ATL2: variants seen among roughly 807,000 people sequenced by gnomAD.
The protein encoded by ATL2 is atlastin GTPase 2.
Under a neutral mutation model 73.9 loss-of-function variants are expected in ATL2, and 31 were observed. The ratio of observed to expected loss-of-function variants is 0.42; its 90% CI spans 0.32 to 0.57. ATL2 has a LOEUF of 0.57. Among genes scored for constraint, ATL2 ranks in the 20% least tolerant of loss-of-function variants. ATL2 has a pLI of 0.14. For synonymous variants in ATL2, 291 were observed against 237.5 expected, an observed-to-expected ratio of 1.23 and a Z score of -2.07; for missense variants, 738 against 702.6, an observed-to-expected ratio of 1.05 and a Z score of -0.57.
At chr2:38,306,574 C>T (rs1164496115) in intron 9 of ATL2, among the ~76,000 whole-genome samples, 2 of 152,174 alleles carry the variant, frequency 1.3e-5, no homozygotes, top group Non-Finnish European at 2.9e-5. Flanking sequence ...GACAGTTCAA[C>T]ATACACCAAT....
intron 2 of ATL2, among the ~76,000 whole-genome samples, chr2:38,342,716 A>C (rs567846540): frequency 6.6e-6 from 1 of 152,334 alleles, no homozygotes; most frequent in Non-Finnish European, 1.5e-5. Flanking sequence ...AAAAAGGGAA[A>C]GAAGATAAAC....
intron 9 of ATL2, among the ~76,000 whole-genome samples, chr2:38,302,917 AACAAATATTC>A (rs1667262358): frequency 6.6e-6 from 1 of 152,220 alleles, no homozygotes; most frequent in African/African-American, 2.4e-5. Flanking sequence ...TCCAGACACC[AACAAATATTC>A]ACAAGCATCA....
chr2:38,299,579 T>A (rs1487275185), intron 10 of ATL2, among the ~76,000 whole-genome samples: 1 of 152,176 alleles, frequency 6.6e-6, no homozygotes, highest in Non-Finnish European at 1.5e-5. Flanking sequence ...ACACCACATA[T>A]GCTCAGGAAA....
intron 9 of ATL2, among the ~76,000 whole-genome samples, chr2:38,303,255 G>A (rs570803207): frequency 7.2e-5 from 11 of 152,066 alleles, no homozygotes; most frequent in Admixed American, 3.9e-4. Context: ...TCCCAGACTG[G>A]AGTGCAATGG....
chr2:38,296,593 A>G (rs1337237893), intron 12 of ATL2: 1 of 1,613,630 alleles, frequency 6.2e-7, no homozygotes, highest in African/African-American at 1.3e-5. Context: ...GAAAACACCT[A>G]AAACATGAAG....
rs754315731 is a variant in ATL2, at chr2:38,343,398, T to G, written c.233A>C (p.Glu78Ala). 14 of 1,613,166 alleles carry G rather than the reference T, an allele frequency of 8.7e-6. No individual in the cohort carries two copies. The highest frequency in any genetic ancestry group is 3.3e-5 in the Admixed American group (2 of 59,842). Residue 78 changes from glutamate (E) to alanine (A), a missense_variant, in exon 2 of 13, where the codon GAA becomes GCA. Physicochemically the swap from Glu to Ala is moderately radical, Grantham distance 107. Transcript: ENST00000378954. Reference sequence around the variant, plus strand: ...CTGTAGCAATATCTGCTCCAAAGCTTCTTCATCAAGTTCAAAGTTATGGTC... The same window carrying G: ...CTGTAGCAATATCTGCTCCAAAGCTGCTTCATCAAGTTCAAAGTTATGGTC... ...EDDHNFELDE[E>A]ALEQILLQEH...
chr2:38,376,962 G>C (rs1300442779), intron 1 of ATL2, among the ~76,000 whole-genome samples, 181 bp downstream of exon 1: 1 of 151,088 alleles, frequency 6.6e-6, no homozygotes, highest in Non-Finnish European at 1.5e-5. Flanking sequence ...CTTTCAGGCC[G>C]CGCGCTGCGG....
intron 1 of ATL2, among the ~76,000 whole-genome samples, chr2:38,351,227 T>C (rs188003391): frequency 3.2e-4 from 48 of 152,228 alleles, no homozygotes; most frequent in Admixed American, 2.6e-3. Flanking sequence ...TTATATTTCA[T>C]ACCCAAGTGA....
At chr2:38,304,112 C>G (rs1573433960) in intron 9 of ATL2, among the ~76,000 whole-genome samples, 1 of 152,036 alleles carries the variant, frequency 6.6e-6, no homozygotes, top group Admixed American at 6.5e-5. Context: ...AAACCACCAC[C>G]ACAACAACAA....
chr2:38,316,936 A>G (rs896468509), intron 4 of ATL2, among the ~76,000 whole-genome samples: 3 of 152,260 alleles, frequency 2.0e-5, no homozygotes, highest in Admixed American at 1.3e-4. Context: ...CAGAGAAAAA[A>G]AGAGACTTAG....
intron 5 of ATL2, among the ~76,000 whole-genome samples, chr2:38,314,919 G>C (rs112692223): frequency 9.8e-5 from 15 of 152,326 alleles, no homozygotes; most frequent in African/African-American, 3.6e-4. Context: ...AATAAAGTGA[G>C]AATTAAATTT....
intron 2 of ATL2, among the ~76,000 whole-genome samples, chr2:38,327,990 T>A (rs1163066173): frequency 6.6e-6 from 1 of 152,166 alleles, no homozygotes; most frequent in Non-Finnish European, 1.5e-5. Context: ...CTATATGCTA[T>A]CTATTTTAAA....
chr2:38,343,381 A>AT lies in ATL2; in HGVS notation c.249dup (p.Leu84IlefsTer10). 6.2e-7 allele frequency: 1 copy of AT among 1,612,460 alleles called. No individual in the cohort carries two copies. The highest frequency in any genetic ancestry group is 8.5e-7 in the Non-Finnish European group (1 of 1,179,734). On this transcript the variant is annotated frameshift_variant, in exon 2 of 13. Coordinates refer to ENST00000378954, the MANE Select transcript of ATL2 (RefSeq NM_001135673.4). LOFTEE classifies it high-confidence loss of function. Reference sequence around the variant, plus strand: ...AGATCTCGTATGTGCTCCTGTAGCAATATCTGCTCCAAAGCTTCTTCATCA... The same window carrying AT: ...AGATCTCGTATGTGCTCCTGTAGCAATTATCTGCTCCAAAGCTTCTTCATCA...
At chr2:38,319,789 C>A (rs1418020579) in intron 2 of ATL2, among the ~76,000 whole-genome samples, 2 of 152,156 alleles carry the variant, frequency 1.3e-5, no homozygotes, top group African/African-American at 2.4e-5. Flanking sequence ...AGTTTTCATA[C>A]TGCCTTCATT....
chr2:38,326,898 GA>G (rs766811163), intron 2 of ATL2, among the ~76,000 whole-genome samples: 12 of 152,192 alleles, frequency 7.9e-5, no homozygotes, highest in Admixed American at 2.0e-4. Context: ...TGAGGCAGGA[GA>G]ATCACTTGAA....
chr2:38,350,680 C>T (rs938584411), intron 1 of ATL2, among the ~76,000 whole-genome samples: 2 of 151,862 alleles, frequency 1.3e-5, no homozygotes, highest in Non-Finnish European at 2.9e-5. Flanking sequence ...ACGCTGATGG[C>T]GGGGGACAGT....
chr2:38,366,135 G>A (rs966925143), intron 1 of ATL2, among the ~76,000 whole-genome samples: 7 of 149,854 alleles, frequency 4.7e-5, no homozygotes, highest in African/African-American at 1.5e-4. Context: ...TCAGAGCTTC[G>A]CACTATACTC....
chr2:38,348,591 G>C (rs558771057), intron 1 of ATL2, among the ~76,000 whole-genome samples: 2 of 151,602 alleles, frequency 1.3e-5, no homozygotes, highest in East Asian at 3.9e-4. Flanking sequence ...CAATAGTTTT[G>C]CTCTTATTGT....
intron 2 of ATL2, among the ~76,000 whole-genome samples, chr2:38,333,878 T>A (rs186155992): frequency 6.6e-6 from 1 of 152,302 alleles, no homozygotes; most frequent in African/African-American, 2.4e-5. Context: ...TAACATTTGA[T>A]GAAGCTTTTC....
Sources: gnomAD v4.1 joint callset for allele counts (sites outside exome capture counted in the v4.1 genomes callset) on GRCh38, gnomAD v4.1.1 for gene constraint, MANE v1.5 for transcripts, NCBI Gene and HGNC (gene_info 2026-07-23, HGNC 2026-07-21) for gene names.